Variants in ADGRB3 observed in about 807,000 individuals in gnomAD.
ADGRB3 encodes adhesion G protein-coupled receptor B3.
Under a neutral mutation model 193.4 loss-of-function variants are expected in ADGRB3, and 37 were observed. The observed-to-expected ratio is 0.19, with a 90% confidence interval of 0.15 to 0.25. The LOEUF (loss-of-function observed/expected upper bound fraction) is 0.25, where lower values mean the gene tolerates loss of function less well. Ranked by LOEUF, ADGRB3 falls within the 10% of genes least tolerant of loss-of-function variation. The pLI is 1.00. For synonymous variants in ADGRB3, 690 were observed against 644.2 expected (o/e 1.07, Z -1.08); for missense variants, 1,637 against 1,852.9 (o/e 0.88, Z 2.14).
At chr6:69,123,845 G>T (rs935487188) in intron 17 of ADGRB3, among the ~76,000 whole-genome samples, 3 of 152,046 alleles carry the variant, frequency 2.0e-5, no homozygotes, top group African/African-American at 7.2e-5. Context: ...AAGAGATGAG[G>T]ACAGTAAGAT....
At chr6:69,118,353 T>C (rs1359290149) in intron 17 of ADGRB3, among the ~76,000 whole-genome samples, 1 of 152,104 alleles carries the variant, frequency 6.6e-6, no homozygotes, top group Non-Finnish European at 1.5e-5. Flanking sequence ...ATATATAGTA[T>C]AAATAACACA....
intron 5 of ADGRB3, among the ~76,000 whole-genome samples, chr6:68,939,797 A>G (rs1178637405): frequency 2.0e-5 from 3 of 152,182 alleles, no homozygotes; most frequent in Non-Finnish European, 2.9e-5. Flanking sequence ...TGTCTTCCTA[A>G]AATAATAAAT....
At position 69,149,924 on chromosome 6, in the gene ADGRB3, C is replaced by CTGTGTGTGTGTGTG. The variant is rs1167142377; in HGVS notation, c.2480+73924_2480+73937dup. Among the ~76,000 whole-genome samples the CTGTGTGTGTGTGTG allele has an allele frequency of 1.0e-3, 132 of 128,946 alleles. 2 individuals are homozygous for CTGTGTGTGTGTGTG. The highest frequency in any genetic ancestry group is 3.9e-3 in the African/African-American group (129 of 33,246). 84.6% of individuals were successfully genotyped at this position (128,946 alleles called of 152,430 possible). On this transcript the variant is annotated intron_variant, in intron 17 of 31. Coordinates refer to ENST00000370598, the MANE Select transcript of ADGRB3 (RefSeq NM_001704.3). ...TTTATCTCTCTCTCTGTCTGTCTTT[C>CTGTGTGTGTGTGTG]TGTGTGTGTGTGTGTGTGTGTGTGT... is the stretch of plus-strand genomic sequence containing the variant.
intron 3 of ADGRB3, among the ~76,000 whole-genome samples, chr6:68,840,231 G>T (rs140821180): frequency 1.3e-5 from 2 of 152,076 alleles, no homozygotes; most frequent in African/African-American, 2.4e-5. Flanking sequence ...AGCTGGGGTG[G>T]CCAAAGATGT....
intron 11 of ADGRB3, among the ~76,000 whole-genome samples, chr6:69,001,639 C>T (rs1769580193): frequency 6.6e-6 from 1 of 152,056 alleles, no homozygotes; most frequent in South Asian, 2.1e-4. Flanking sequence ...AAGAAAGGCC[C>T]TTGAAACAGT....
At chr6:69,126,263 A>G (rs1773848541) in intron 17 of ADGRB3, among the ~76,000 whole-genome samples, 1 of 152,120 alleles carries the variant, frequency 6.6e-6, no homozygotes, top group South Asian at 2.1e-4. Context: ...ACATACATAC[A>G]TACATACATA....
At chr6:68,795,419 T>C (rs1767187550) in intron 3 of ADGRB3, among the ~76,000 whole-genome samples, 1 of 152,114 alleles carries the variant, frequency 6.6e-6, no homozygotes, top group Non-Finnish European at 1.5e-5. Flanking sequence ...CTTTTCCTTT[T>C]AAATAAAGAT....
intron 26 of ADGRB3, among the ~76,000 whole-genome samples, chr6:69,348,493 C>CAAAAAA (rs5877205): frequency 1.7e-5 from 2 of 114,860 alleles, no homozygotes; most frequent in Non-Finnish European, 1.8e-5. Context: ...CTAAAAAATG[C>CAAAAAA]AAAAAAAAAA....
At chr6:69,238,774 G>A (rs1766326803) in intron 19 of ADGRB3, among the ~76,000 whole-genome samples, 1 of 151,332 alleles carries the variant, frequency 6.6e-6, no homozygotes, top group African/African-American at 2.4e-5. Flanking sequence ...GTATATAAAG[G>A]TATTATACTA....
chr6:69,322,514 G>A (rs1768481223), intron 20 of ADGRB3, among the ~76,000 whole-genome samples: 3 of 151,732 alleles, frequency 2.0e-5, no homozygotes, highest in Admixed American at 2.0e-4. Context: ...AGCAGCATTT[G>A]TCACTTTTTG....
chr6:69,072,777 G>A (rs1408038525), intron 16 of ADGRB3, among the ~76,000 whole-genome samples: 1 of 152,104 alleles, frequency 6.6e-6, no homozygotes, highest in Non-Finnish European at 1.5e-5. Flanking sequence ...TTTCTATAAG[G>A]TTCTCTGAGC....
Position 68,845,825 on chromosome 6 carries a change from A to G in ADGRB3, c.758-84734A>G, listed in dbSNP as rs1768262469. ...TTGTGAAAATGAAATACTACAGTAA[A>G]TTTATACCAGTAGAGTGGGGTGCTG... On this transcript the variant is annotated intron_variant, in intron 3 of 31. Coordinates refer to ENST00000370598, the MANE Select transcript of ADGRB3 (RefSeq NM_001704.3). 3.9e-5 allele frequency among the ~76,000 whole-genome samples: 6 copies of G among 152,160 alleles called. No homozygotes were observed. The South Asian group carries it at 1.2e-3, about 32-fold the overall frequency.
intron 17 of ADGRB3, among the ~76,000 whole-genome samples, chr6:69,213,863 C>G (rs2046992723): frequency 6.6e-6 from 1 of 152,068 alleles, no homozygotes; most frequent in Non-Finnish European, 1.5e-5. Context: ...CTCCTTTGCT[C>G]AACGAACCCT....
At chr6:68,797,376 A>G (rs543853695) in intron 3 of ADGRB3, among the ~76,000 whole-genome samples, 1 of 152,200 alleles carries the variant, frequency 6.6e-6, no homozygotes, top group African/African-American at 2.4e-5. Context: ...CAGCAGGTAA[A>G]GAATGGAGAC....
intron 3 of ADGRB3, among the ~76,000 whole-genome samples, chr6:68,763,679 A>G (rs560838378): frequency 6.4e-4 from 98 of 152,344 alleles, no homozygotes; most frequent in African/African-American, 2.2e-3. Flanking sequence ...AAGATTGACC[A>G]TTAAGGATAA....
intron 3 of ADGRB3, among the ~76,000 whole-genome samples, chr6:68,745,962 TA>T (rs1381458728): frequency 2.6e-5 from 4 of 152,206 alleles, no homozygotes; most frequent in African/African-American, 9.6e-5. Flanking sequence ...CACTGTTTCC[TA>T]TTATTTTATT....
At chr6:69,328,335 G>C (rs1414516366) in intron 22 of ADGRB3, among the ~76,000 whole-genome samples, 2 of 152,108 alleles carry the variant, frequency 1.3e-5, no homozygotes, top group Admixed American at 6.5e-5. Context: ...AAAAATTATA[G>C]ATCAAGGGAA....
intron 3 of ADGRB3, among the ~76,000 whole-genome samples, chr6:68,849,672 C>G (rs553362391): frequency 2.0e-5 from 3 of 151,918 alleles, no homozygotes; most frequent in Non-Finnish European, 4.4e-5. Flanking sequence ...TGGACACTAT[C>G]TCACCCAAGT....
chr6:69,141,268 A>C (rs1309400864), intron 17 of ADGRB3, among the ~76,000 whole-genome samples: 2 of 151,664 alleles, frequency 1.3e-5, no homozygotes, highest in Non-Finnish European at 2.9e-5. Flanking sequence ...GGACTACAGG[A>C]GCCCGCCACC....
Sources: allele counts gnomAD v4.1 joint callset (sites outside exome capture counted in the v4.1 genomes callset), GRCh38; gene constraint gnomAD v4.1.1; transcripts MANE v1.5; gene names NCBI Gene and HGNC (gene_info 2026-07-23, HGNC 2026-07-21).